Variants in GALM observed in about 807,000 individuals in gnomAD.
GALM encodes aldose 1-epimerase.
Under a neutral mutation model 37.4 loss-of-function variants are expected in GALM, and 43 were observed. The observed-to-expected ratio is 1.15, with a 90% CI of 0.90 to 1.48. The LOEUF is 1.48. Ranked by LOEUF, GALM falls within the 40% of genes most tolerant of loss-of-function variation. GALM has a pLI of 0.00. For missense variants in GALM, 456 were observed against 419.1 expected (o/e 1.09, Z -0.77); for synonymous variants, 199 against 170.6 (o/e 1.17, Z -1.30).
intron 4 of GALM, among the ~76,000 whole-genome samples, chr2:38,704,140 C>T (rs115655311): frequency 0.021 from 3,129 of 151,674 alleles, 108 homozygotes; most frequent in African/African-American, 0.07. Flanking sequence ...TATCTTTTTT[C>T]CTCTTTCAAA....
intron 1 of GALM, among the ~76,000 whole-genome samples, chr2:38,672,055 C>G (rs1665119550): frequency 6.6e-6 from 1 of 151,928 alleles, no homozygotes; most frequent in African/African-American, 2.4e-5. Context: ...CAAAAAAACC[C>G]TATTCCTCCA....
At chr2:38,678,688 A>G (rs566119342) in intron 2 of GALM, among the ~76,000 whole-genome samples, 1 of 152,322 alleles carries the variant, frequency 6.6e-6, no homozygotes, top group East Asian at 1.9e-4. Flanking sequence ...CAGTGAAAGT[A>G]TTTCACATAC....
At chr2:38,715,212 A>G (rs979180865) in intron 4 of GALM, among the ~76,000 whole-genome samples, 1 of 152,126 alleles carries the variant, frequency 6.6e-6, no homozygotes, top group African/African-American at 2.4e-5. Context: ...ATTTCTGTGG[A>G]ATATCTTTTT....
At chr2:38,724,756 C>T (rs1204936480) in intron 4 of GALM, among the ~76,000 whole-genome samples, 1 of 152,134 alleles carries the variant, frequency 6.6e-6, no homozygotes, top group Non-Finnish European at 1.5e-5. Context: ...TATATGGTAG[C>T]CTGAAATTTG....
At chr2:38,698,621 A>G (rs539514507) in intron 4 of GALM, among the ~76,000 whole-genome samples, 1 of 152,016 alleles carries the variant, frequency 6.6e-6, no homozygotes, top group South Asian at 2.1e-4. Context: ...TGTGTTTTCT[A>G]TGTTTATTGT....
At position 38,725,710 on chromosome 2, in the gene GALM, TTTTTG is replaced by T. The variant is rs993728320; in HGVS notation, c.635-3826_635-3822del. 3.3e-5 allele frequency among the ~76,000 whole-genome samples: 5 copies of T among 152,104 alleles called. No homozygotes were observed. In the East Asian group the frequency reaches 5.8e-4, roughly 18 times the overall value. ...CTTTTTCTTTTCATTTCTTTTCTTT[TTTTTG>T]TTTTGTTTTGTTTTGTTTTTTTGAG... is the stretch of plus-strand genomic sequence containing the variant. On this transcript the variant is annotated intron_variant, in intron 4 of 6. Coordinates refer to ENST00000272252, the MANE Select transcript of GALM (RefSeq NM_138801.3).
chr2:38,709,486 A>G (rs116049091), intron 4 of GALM, among the ~76,000 whole-genome samples: 1,880 of 152,154 alleles, frequency 0.012, 36 homozygotes, highest in African/African-American at 0.041. Context: ...GATGTCATCT[A>G]ACATCCAGAA....
chr2:38,695,088 C>T (rs1224916548), intron 4 of GALM, among the ~76,000 whole-genome samples: 1 of 151,852 alleles, frequency 6.6e-6, no homozygotes, highest in Admixed American at 6.6e-5. Context: ...GTATGTTGGT[C>T]ATCTCTGTTG....
intron 2 of GALM, among the ~76,000 whole-genome samples, chr2:38,680,608 TTGTATA>T (rs1665371858): frequency 6.6e-6 from 1 of 152,112 alleles, no homozygotes; most frequent in African/African-American, 2.4e-5. Flanking sequence ...TAATAAATAT[TTGTATA>T]TATACCCCTA....
chr2:38,684,951 C>G (rs1478908101), intron 3 of GALM, among the ~76,000 whole-genome samples: 1 of 152,140 alleles, frequency 6.6e-6, no homozygotes, highest in African/African-American at 2.4e-5. Context: ...CCAGGTTCTT[C>G]CAGTTTTCCA....
At chr2:38,713,262 C>G (rs1044399277) in intron 4 of GALM, among the ~76,000 whole-genome samples, 5 of 152,156 alleles carry the variant, frequency 3.3e-5, no homozygotes, top group Admixed American at 1.3e-4. Flanking sequence ...TCAAGCAAAC[C>G]CTGAATGCCT....
chr2:38,676,160 G>A, intron 2 of GALM, 94 bp downstream of exon 2: 1 of 1,261,434 alleles, frequency 7.9e-7, no homozygotes. Flanking sequence ...GAGCACATGA[G>A]TGGTGAGATG....
chr2:38,686,276 C>CTTTCTTTCTTTTCT (rs1294189123), intron 3 of GALM, among the ~76,000 whole-genome samples: 1 of 99,034 alleles, frequency 1.0e-5, no homozygotes, highest in African/African-American at 4.3e-5. Context: ...TTCTTTCTTT[C>CTTTCTTTCTTTTCT]TTATTTTGAG....
intron 5 of GALM, 144 bp from the exon 6 acceptor site, chr2:38,731,591 G>T: frequency 1.5e-6 from 1 of 658,020 alleles, no homozygotes. Flanking sequence ...TTTCCATCAT[G>T]CTCTTCCTAC....
At chr2:38,724,199 A>G (rs944325251) in intron 4 of GALM, among the ~76,000 whole-genome samples, 1 of 152,208 alleles carries the variant, frequency 6.6e-6, no homozygotes, top group South Asian at 2.1e-4. Flanking sequence ...GATTACAGAC[A>G]TGAGCCACCA....
intron 4 of GALM, among the ~76,000 whole-genome samples, chr2:38,717,915 G>T (rs1158365081): frequency 6.7e-6 from 1 of 150,064 alleles, no homozygotes; most frequent in African/African-American, 2.5e-5. Context: ...GCTCACTGCA[G>T]CCTTAACCTC....
At chr2:38,690,318 G>C (rs1314680377) in intron 4 of GALM, among the ~76,000 whole-genome samples, 1 of 151,250 alleles carries the variant, frequency 6.6e-6, no homozygotes, top group Non-Finnish European at 1.5e-5. Context: ...TTTTTTTTAA[G>C]ATTAAAAAAA....
At chr2:38,697,620 T>C (rs1479663722) in intron 4 of GALM, among the ~76,000 whole-genome samples, 1 of 152,334 alleles carries the variant, frequency 6.6e-6, no homozygotes, top group East Asian at 1.9e-4. Context: ...GTAGCAACTT[T>C]TATTTTGCAG....
chr2:38,673,626 C>CGTCTCCT (rs1665167848), intron 1 of GALM, among the ~76,000 whole-genome samples: 1 of 151,944 alleles, frequency 6.6e-6, no homozygotes, highest in Non-Finnish European at 1.5e-5. Flanking sequence ...CTGGCTAACA[C>CGTCTCCT]GGTGAAACCC....
Sources: gnomAD v4.1 joint callset for allele counts (sites outside exome capture counted in the v4.1 genomes callset) on GRCh38, gnomAD v4.1.1 for gene constraint, MANE v1.5 for transcripts, NCBI Gene and HGNC (gene_info 2026-07-23, HGNC 2026-07-21) for gene names.